Variants in CALN1 observed in about 807,000 individuals in gnomAD.
CALN1 encodes the protein calcium-binding protein 8.
In CALN1, 17 loss-of-function variants were observed where a neutral mutation model predicts 30.6. The observed-to-expected ratio is 0.56, with a 90% CI of 0.38 to 0.83. CALN1 has a LOEUF of 0.83. Among genes scored for constraint, CALN1 ranks in the 40% least tolerant of loss-of-function variants. The probability of loss-of-function intolerance (pLI) is 0.00; values close to 1 mark genes in which losing one functional copy is unlikely to be tolerated. For synonymous variants in CALN1, 156 were observed against 131.4 expected (o/e 1.19, Z -1.28); for missense variants, 291 against 354.9 (o/e 0.82, Z 1.45).
the CALN1 span, among the ~76,000 whole-genome samples, chr7:72,502,669 T>C: frequency 6.6e-6 from 1 of 152,150 alleles, no homozygotes; most frequent in Non-Finnish European, 1.5e-5. Flanking sequence ...GATTCAACTT[T>C]CTTATATCCC....
chr7:72,039,697 G>GC (rs1201577414), intron 4 of CALN1, among the ~76,000 whole-genome samples: 1 of 152,164 alleles, frequency 6.6e-6, no homozygotes, highest in Non-Finnish European at 1.5e-5. Flanking sequence ...CACCATAGTT[G>GC]GACAGGCTTA....
intron 5 of CALN1, among the ~76,000 whole-genome samples, chr7:71,875,868 C>T (rs1183121416): frequency 1.3e-5 from 2 of 152,140 alleles, no homozygotes; most frequent in African/African-American, 4.8e-5. Flanking sequence ...ATTTCCTGCT[C>T]AGTCCACCAT....
chr7:71,805,057 C>A (rs1234793389), intron 6 of CALN1, among the ~76,000 whole-genome samples: 1 of 152,208 alleles, frequency 6.6e-6, no homozygotes, highest in Non-Finnish European at 1.5e-5. Context: ...CTGCCCACAG[C>A]AGCATTTTGA....
intron 2 of CALN1, among the ~76,000 whole-genome samples, chr7:72,317,078 G>GAA (rs2129556917): frequency 9.2e-6 from 1 of 108,718 alleles, no homozygotes; most frequent in East Asian, 3.4e-4. Context: ...GAGAGACACA[G>GAA]AAAGAGAGAG....
In CALN1 at chr7:72,126,398, G is replaced by A. The variant is rs573899816; in HGVS notation, c.245-20104C>T. 2.6e-5 allele frequency among the ~76,000 whole-genome samples: 4 copies of A among 152,196 alleles called. No individual in the cohort carries two copies. In the South Asian group the frequency reaches 6.2e-4, roughly 24 times the overall value. ...CTTCCAGTTCCTGACTCCAGCAACT[G>A]GAAGAAAGATCCACAAGGCTTGTTG... On this transcript the variant is annotated intron_variant, in intron 3 of 6. Coordinates refer to ENST00000395275, the MANE Select transcript of CALN1 (RefSeq NM_031468.4).
rs778012748 is a variant in CALN1 at position 72,403,383 on chromosome 7, C to T, written c.-14G>A. 33 of 1,537,840 alleles carry T rather than the reference C, an allele frequency of 2.1e-5. No individual in the cohort carries two copies. The highest frequency in any genetic ancestry group is 2.9e-5 in the Non-Finnish European group (33 of 1,141,582). On this transcript the variant is annotated 5_prime_UTR_variant, in exon 2 of 7. Coordinates refer to ENST00000395275, the MANE Select transcript of CALN1 (RefSeq NM_031468.4). ...TGGCAGCCGCATCGGGGGTCCAGGG[C>T]GATGTTCTCAGAGAGAGTTAGAAGC...
chr7:71,956,294 A>G (rs1796957778), intron 5 of CALN1, among the ~76,000 whole-genome samples: 1 of 151,638 alleles, frequency 6.6e-6, no homozygotes, highest in Admixed American at 6.6e-5. Flanking sequence ...AGCCCGTTCT[A>G]GAATTTTAAT....
chr7:71,910,055 A>T (rs543438381), intron 5 of CALN1, among the ~76,000 whole-genome samples: 7 of 110,142 alleles, frequency 6.4e-5, no homozygotes, highest in African/African-American at 2.0e-4. Context: ...AAACCATCAG[A>T]TCTCAAGAGA....
chr7:72,369,359 T>TTTTTTG (rs3030372), intron 2 of CALN1, among the ~76,000 whole-genome samples: 2 of 146,714 alleles, frequency 1.4e-5, no homozygotes, highest in African/African-American at 5.0e-5. Context: ...TATTTATTTT[T>TTTTTTG]TTGTTGTTGT....
At chr7:72,446,114 CCTCTGCCCAAGT>C (rs1437869312) in intron 1 of CALN1, among the ~76,000 whole-genome samples, 1 of 152,126 alleles carries the variant, frequency 6.6e-6, no homozygotes, top group African/African-American at 2.4e-5. Flanking sequence ...AAAATGCCTC[CCTCTGCCCAAGT>C]CTGACTTTCA....
intron 4 of CALN1, among the ~76,000 whole-genome samples, chr7:72,027,482 G>C (rs1390063426): frequency 2.0e-5 from 3 of 152,056 alleles, no homozygotes; most frequent in Non-Finnish European, 2.9e-5. Context: ...AGGCCGAGGA[G>C]GGTGGATCAC....
intron 3 of CALN1, among the ~76,000 whole-genome samples, chr7:72,268,111 A>G (rs182920628): frequency 1.3e-5 from 2 of 152,352 alleles, no homozygotes; most frequent in Admixed American, 1.3e-4. Flanking sequence ...AACAGTGCCT[A>G]GCACATAGTA....
At chr7:72,253,381 G>C (rs886587012) in intron 3 of CALN1, among the ~76,000 whole-genome samples, 1 of 152,038 alleles carries the variant, frequency 6.6e-6, no homozygotes, top group African/African-American at 2.4e-5. Context: ...ATTCCCATTT[G>C]TGTTAGTTTG....
At chr7:72,220,327 T>C (rs1469015201) in intron 3 of CALN1, among the ~76,000 whole-genome samples, 1 of 151,872 alleles carries the variant, frequency 6.6e-6, no homozygotes, top group Non-Finnish European at 1.5e-5. Flanking sequence ...TTGCTGAGAA[T>C]GATGGTTTCC....
intron 3 of CALN1, among the ~76,000 whole-genome samples, chr7:72,239,824 C>T (rs746528470): frequency 1.3e-5 from 2 of 152,144 alleles, no homozygotes; most frequent in East Asian, 1.9e-4. Flanking sequence ...TGCACAGCTT[C>T]GACTGTGCAT....
chr7:72,148,129 C>CCAAA, intron 3 of CALN1, among the ~76,000 whole-genome samples: 1 of 144,242 alleles, frequency 6.9e-6, no homozygotes, highest in South Asian at 2.4e-4. Context: ...AACCAACCAA[C>CCAAA]CAAACAAACA....
At chr7:72,056,268 C>T (rs1158055718) in intron 4 of CALN1, among the ~76,000 whole-genome samples, 1 of 151,800 alleles carries the variant, frequency 6.6e-6, no homozygotes, top group East Asian at 1.9e-4. Flanking sequence ...GGAAAGAAAA[C>T]CTCTAAAAGG....
chr7:71,958,513 C>T (rs900575242), intron 5 of CALN1, among the ~76,000 whole-genome samples: 1 of 152,124 alleles, frequency 6.6e-6, no homozygotes, highest in Non-Finnish European at 1.5e-5. Flanking sequence ...ACCAAGTTTG[C>T]CCAGGCACAT....
chr7:72,214,460 C>G (rs896646782), intron 3 of CALN1, among the ~76,000 whole-genome samples: 35 of 151,466 alleles, frequency 2.3e-4, no homozygotes, highest in African/African-American at 8.2e-4. Context: ...GCCTGGGAGA[C>G]AGAGCAGGAC....
Sources: gnomAD v4.1 joint callset for allele counts (sites outside exome capture counted in the v4.1 genomes callset) on GRCh38, gnomAD v4.1.1 for gene constraint, MANE v1.5 for transcripts, NCBI Gene and HGNC (gene_info 2026-07-23, HGNC 2026-07-21) for gene names.